MEIS2: variants seen among roughly 807,000 people sequenced by gnomAD.
MEIS2 encodes the protein Meis homeobox 2, also known as homeobox protein Meis2.
Under a neutral mutation model 58.6 loss-of-function variants are expected in MEIS2, and 9 were observed. That is an observed-to-expected ratio of 0.15 (90% CI 0.09 to 0.27). The LOEUF (loss-of-function observed/expected upper bound fraction) is 0.27. MEIS2 is among the 10% of genes least tolerant of loss of function. The pLI, the probability that MEIS2 is intolerant of heterozygous loss-of-function variation, is 1.00. For synonymous variants in MEIS2, 221 were observed against 228.4 expected, an observed-to-expected ratio of 0.97 and a Z score of 0.29; for missense variants, 427 against 635.0, an observed-to-expected ratio of 0.67 and a Z score of 3.52.
chr15:36,975,468 G>GTT (rs1567131543), intron 8 of MEIS2, among the ~76,000 whole-genome samples: 6 of 41,308 alleles, frequency 1.5e-4, no homozygotes, highest in Non-Finnish European at 1.7e-4. Context: ...AAAAAATAAG[G>GTT]GTTTTTTTTT....
chr15:37,036,510 C>T (rs538637350), intron 8 of MEIS2: 5 of 189,138 alleles, frequency 2.6e-5, no homozygotes, highest in South Asian at 2.8e-4. Context: ...TTGCAGTATC[C>T]GAAGTTGCTC....
chr15:37,029,218 G>A (rs559414692), intron 8 of MEIS2, among the ~76,000 whole-genome samples: 2 of 152,266 alleles, frequency 1.3e-5, no homozygotes, highest in Non-Finnish European at 2.9e-5. Context: ...CTCTCTGCTG[G>A]TACTTTCAGC....
chr15:37,011,073 T>A (rs973293401), intron 8 of MEIS2, among the ~76,000 whole-genome samples: 44 of 152,260 alleles, frequency 2.9e-4, no homozygotes, highest in African/African-American at 1.0e-3. Context: ...TGAACTGGAA[T>A]GTACCTGAAA....
At chr15:36,926,467 A>C (rs927215994) in intron 9 of MEIS2, among the ~76,000 whole-genome samples, 3 of 152,230 alleles carry the variant, frequency 2.0e-5, no homozygotes, top group Non-Finnish European at 4.4e-5. Flanking sequence ...TGAATAATAA[A>C]ATACGTCTGC....
chr15:36,977,128 AAAAAC>A (rs756499293), intron 8 of MEIS2, among the ~76,000 whole-genome samples: 3 of 152,044 alleles, frequency 2.0e-5, no homozygotes, highest in Non-Finnish European at 2.9e-5. Context: ...CTCCATCTCA[AAAAAC>A]AAAACAAAAC....
chr15:37,020,378 G>A (rs2061484399), intron 8 of MEIS2, among the ~76,000 whole-genome samples: 1 of 152,096 alleles, frequency 6.6e-6, no homozygotes, highest in Non-Finnish European at 1.5e-5. Flanking sequence ...AAGCTGGTTG[G>A]GCGCCGAAGC....
chr15:37,048,061 C>T (rs2062750891), intron 7 of MEIS2, among the ~76,000 whole-genome samples: 1 of 152,130 alleles, frequency 6.6e-6, no homozygotes. Flanking sequence ...GTAAAGATAG[C>T]TGGCTAACAT....
intron 8 of MEIS2, among the ~76,000 whole-genome samples, chr15:36,954,766 G>A (rs908783939): frequency 6.6e-6 from 1 of 152,136 alleles, no homozygotes; most frequent in African/African-American, 2.4e-5. Context: ...CAATCATTTA[G>A]ATAATGGTCA....
intron 8 of MEIS2, among the ~76,000 whole-genome samples, chr15:36,961,959 A>G (rs1186212890): frequency 6.6e-6 from 1 of 152,174 alleles, no homozygotes; most frequent in Non-Finnish European, 1.5e-5. Flanking sequence ...GCAAAAAAAT[A>G]TTTCTTACAA....
At chr15:36,995,067 G>T (rs1002908552) in intron 8 of MEIS2, among the ~76,000 whole-genome samples, 1 of 152,106 alleles carries the variant, frequency 6.6e-6, no homozygotes, top group African/African-American at 2.4e-5. Context: ...AATATATTTT[G>T]TCTGCATGAA....
intron 8 of MEIS2, among the ~76,000 whole-genome samples, chr15:37,009,687 C>A (rs1370923681): frequency 2.0e-5 from 3 of 152,206 alleles, no homozygotes; most frequent in Non-Finnish European, 2.9e-5. Context: ...GCTTCCTAGT[C>A]TCTCTGATAC....
At chr15:37,021,026 A>G (rs2061508568) in intron 8 of MEIS2, among the ~76,000 whole-genome samples, 2 of 152,092 alleles carry the variant, frequency 1.3e-5, no homozygotes, top group African/African-American at 4.8e-5. Context: ...AAACCAGGAG[A>G]GAGCCCTCAC....
At chr15:37,005,467 C>T (rs915798520) in intron 8 of MEIS2, among the ~76,000 whole-genome samples, 2 of 152,288 alleles carry the variant, frequency 1.3e-5, no homozygotes, top group East Asian at 3.9e-4. Context: ...CCTCCAGGGA[C>T]CAGCATGTCA....
In MEIS2 at chr15:36,997,703, G is replaced by A. The variant is rs563917917; in HGVS notation, c.900+39111C>T. Among the ~76,000 whole-genome samples the A allele has an allele frequency of 3.9e-5, 6 of 152,118 alleles. No individual in the cohort carries two copies. In the East Asian group the frequency reaches 5.8e-4, roughly 15 times the overall value. On this transcript the variant is annotated intron_variant, in intron 8 of 11. Coordinates refer to ENST00000561208, the MANE Select transcript of MEIS2 (RefSeq NM_170675.5). ...TCGCCGTGTTAGCCAGGATGGTCTCGATCTCCTGACCTAGTGATCTGTCCG... is the reference window on the plus strand; with the variant it reads ...TCGCCGTGTTAGCCAGGATGGTCTCAATCTCCTGACCTAGTGATCTGTCCG...
chr15:37,046,507 CACT>C (rs2062677748), intron 7 of MEIS2, among the ~76,000 whole-genome samples: 2 of 152,110 alleles, frequency 1.3e-5, no homozygotes, highest in Non-Finnish European at 2.9e-5. Flanking sequence ...CCACTTCACC[CACT>C]GGTTGGAAAA....
At chr15:37,011,621 T>G (rs1264689868) in intron 8 of MEIS2, among the ~76,000 whole-genome samples, 1 of 132,842 alleles carries the variant, frequency 7.5e-6, no homozygotes, top group Non-Finnish European at 1.6e-5. Context: ...TTTTTTTTTT[T>G]TTTTTTTTTT....
At chr15:37,001,502 C>G (rs532420482) in intron 8 of MEIS2, among the ~76,000 whole-genome samples, 462 of 152,242 alleles carry the variant, frequency 3.0e-3, no homozygotes, top group Non-Finnish European at 4.7e-3. Context: ...GGCCCAAAAC[C>G]CTAGCAGTAT....
intron 8 of MEIS2, among the ~76,000 whole-genome samples, chr15:37,002,846 AT>A (rs1453808099): frequency 6.6e-6 from 1 of 152,184 alleles, no homozygotes; most frequent in African/African-American, 2.4e-5. Flanking sequence ...TAAAGTTTTT[AT>A]TCTTTTTATT....
intron 8 of MEIS2, among the ~76,000 whole-genome samples, chr15:36,966,158 T>C (rs866112218): frequency 3.3e-4 from 50 of 152,216 alleles, no homozygotes; most frequent in African/African-American, 1.2e-3. Context: ...GGCTAATTCT[T>C]TGGGAAGCAG....
Sources: gnomAD v4.1 joint callset for allele counts (sites outside exome capture counted in the v4.1 genomes callset) on GRCh38, gnomAD v4.1.1 for gene constraint, MANE v1.5 for transcripts, NCBI Gene and HGNC (gene_info 2026-07-23, HGNC 2026-07-21) for gene names.